Variants in PTPRD observed in about 807,000 individuals in gnomAD.
The protein encoded by PTPRD is protein tyrosine phosphatase receptor type D, also known as receptor-type tyrosine-protein phosphatase delta.
PTPRD carries 34 observed loss-of-function variants against 214.5 expected under a neutral mutation model. The observed-to-expected ratio is 0.16, with a 90% CI of 0.12 to 0.21. The LOEUF (loss-of-function observed/expected upper bound fraction) is 0.21, where lower values mean the gene tolerates loss of function less well. Among genes scored for constraint, PTPRD ranks in the 10% least tolerant of loss-of-function variants. PTPRD has a pLI of 1.00. For synonymous variants in PTPRD, 1,128 were observed against 845.7 expected, an observed-to-expected ratio of 1.33 and a Z score of -5.79; for missense variants, 2,545 against 2,398.7, an observed-to-expected ratio of 1.06 and a Z score of -1.27.
chr9:10,410,112 T>C (rs2154505372), intron 2 of PTPRD, among the ~76,000 whole-genome samples: 1 of 151,448 alleles, frequency 6.6e-6, no homozygotes, highest in African/African-American at 2.4e-5. Context: ...ATGGATGCCA[T>C]GATAGAACAA....
intron 8 of PTPRD, among the ~76,000 whole-genome samples, chr9:9,449,555 A>G (rs2091514764): frequency 1.3e-5 from 2 of 151,996 alleles, no homozygotes; most frequent in Non-Finnish European, 2.9e-5. Flanking sequence ...AGGAAAAAGT[A>G]ACTAGTTCAT....
At chr9:9,444,986 A>G (rs2089860308) in intron 8 of PTPRD, among the ~76,000 whole-genome samples, 1 of 152,158 alleles carries the variant, frequency 6.6e-6, no homozygotes, top group Non-Finnish European at 1.5e-5. Flanking sequence ...GTGTATCTTC[A>G]AATAGTGTTT....
At chr9:8,890,759 G>T (rs148177337) in intron 11 of PTPRD, among the ~76,000 whole-genome samples, 1 of 152,228 alleles carries the variant, frequency 6.6e-6, no homozygotes, top group East Asian at 1.9e-4. Context: ...TATTTATACA[G>T]TACATCTATT....
At chr9:9,195,107 TACAC>T (rs57276075) in intron 9 of PTPRD, among the ~76,000 whole-genome samples, 5 of 141,156 alleles carry the variant, frequency 3.5e-5, no homozygotes, top group East Asian at 4.3e-4. Flanking sequence ...TATATATATA[TACAC>T]ACACACACAT....
chr9:10,108,584 T>A (rs1563860858), intron 3 of PTPRD, among the ~76,000 whole-genome samples: 1 of 151,986 alleles, frequency 6.6e-6, no homozygotes, highest in Non-Finnish European at 1.5e-5. Context: ...AAAATCCAAC[T>A]GCCATATGAT....
Position 9,416,129 on chromosome 9 carries a change from T to C in PTPRD, c.-236-18647A>G, listed in dbSNP as rs529309243. On this transcript the variant is annotated intron_variant, in intron 8 of 45. Transcript: ENST00000381196. ...AAATATCTCTTGAGGGCATTGCTTCTGTCCTACTTCCAGCTTCCATCCTCT... is the reference window on the plus strand; with the variant it reads ...AAATATCTCTTGAGGGCATTGCTTCCGTCCTACTTCCAGCTTCCATCCTCT... Among the ~76,000 whole-genome samples the C allele has an allele frequency of 2.0e-4, 30 of 152,334 alleles. No individual in the cohort carries two copies. In the East Asian group the frequency reaches 5.6e-3, roughly 28 times the overall value.
At chr9:10,253,679 G>T (rs2092992857) in intron 3 of PTPRD, among the ~76,000 whole-genome samples, 3 of 152,166 alleles carry the variant, frequency 2.0e-5, no homozygotes, top group Non-Finnish European at 4.4e-5. Context: ...AGTGGCATTT[G>T]CTTGGGTAGT....
At chr9:10,229,653 G>A (rs573732460) in intron 3 of PTPRD, among the ~76,000 whole-genome samples, 9 of 140,468 alleles carry the variant, frequency 6.4e-5, no homozygotes, top group African/African-American at 2.4e-4. Flanking sequence ...ATTGAACAAT[G>A]AGAACACATG....
intron 8 of PTPRD, among the ~76,000 whole-genome samples, chr9:9,445,564 G>A (rs2090101300): frequency 6.6e-6 from 1 of 152,146 alleles, no homozygotes; most frequent in Non-Finnish European, 1.5e-5. Context: ...GGAAGGGGAA[G>A]CAAACACGTC....
Position 8,461,656 on chromosome 9 carries a change from C to T in PTPRD, c.3715-1085G>A, listed in dbSNP as rs189420518. Among the ~76,000 whole-genome samples the T allele has an allele frequency of 6.0e-5, 9 of 151,002 alleles. No homozygotes were observed. In the East Asian group the frequency reaches 1.4e-3, roughly 23 times the overall value. ...TCTAATTGCCTTTATTTACTCTTTA[C>T]CTTTCTAGACAATTTTTCCAGATTT... On this transcript the variant is annotated intron_variant, in intron 32 of 45. Transcript: ENST00000381196.
intron 8 of PTPRD, among the ~76,000 whole-genome samples, chr9:9,504,580 T>G (rs11790706): frequency 0.041 from 6,203 of 151,702 alleles, 159 homozygotes; most frequent in Middle Eastern, 0.065. Context: ...GCATTCCCTC[T>G]AAGATGAGAT....
chr9:9,567,295 G>C (rs1057500185), intron 8 of PTPRD, among the ~76,000 whole-genome samples: 3 of 151,850 alleles, frequency 2.0e-5, no homozygotes, highest in Non-Finnish European at 4.4e-5. Flanking sequence ...GTGTTATTGA[G>C]AGAACAGGAT....
chr9:10,175,999 G>T (rs1004965308), intron 3 of PTPRD, among the ~76,000 whole-genome samples: 1 of 151,876 alleles, frequency 6.6e-6, no homozygotes, highest in Non-Finnish European at 1.5e-5. Context: ...ACTGCAAATG[G>T]CTTGTTATTG....
chr9:8,396,081 G>C (rs191712553), intron 36 of PTPRD, among the ~76,000 whole-genome samples: 161 of 152,176 alleles, frequency 1.1e-3, no homozygotes, highest in African/African-American at 3.8e-3. Context: ...AATCAAGCAT[G>C]AGACATGACT....
chr9:8,513,098 T>C (rs564974675), intron 21 of PTPRD, among the ~76,000 whole-genome samples: 1 of 152,142 alleles, frequency 6.6e-6, no homozygotes, highest in South Asian at 2.1e-4. Flanking sequence ...GTAAACTAGT[T>C]GCAAGTGACT....
intron 3 of PTPRD, among the ~76,000 whole-genome samples, chr9:10,266,202 A>T (rs1365871431): frequency 6.6e-6 from 1 of 152,154 alleles, no homozygotes; most frequent in Non-Finnish European, 1.5e-5. Context: ...AGTGTGCCTT[A>T]AAATGCATTA....
At chr9:8,638,140 C>T (rs1039496367) in intron 12 of PTPRD, among the ~76,000 whole-genome samples, 3 of 141,160 alleles carry the variant, frequency 2.1e-5, no homozygotes, top group Non-Finnish European at 4.5e-5. Context: ...ATCCCTGTTA[C>T]AGATTTTCTC....
intron 11 of PTPRD, among the ~76,000 whole-genome samples, chr9:8,761,586 A>T (rs1211536623): frequency 1.3e-5 from 2 of 152,182 alleles, no homozygotes; most frequent in Admixed American, 1.3e-4. Context: ...AGTAGAAAGA[A>T]CTAAAATACA....
intron 11 of PTPRD, among the ~76,000 whole-genome samples, chr9:8,913,562 G>A (rs1205372176): frequency 6.6e-6 from 1 of 152,064 alleles, no homozygotes; most frequent in Non-Finnish European, 1.5e-5. Flanking sequence ...AAATAAAAAA[G>A]TATTATAATG....
Sources: allele counts gnomAD v4.1 joint callset (sites outside exome capture counted in the v4.1 genomes callset), GRCh38; gene constraint gnomAD v4.1.1; transcripts MANE v1.5; gene names NCBI Gene and HGNC (gene_info 2026-07-23, HGNC 2026-07-21).